Variants in TSPYL1 observed in about 807,000 individuals in gnomAD.
TSPYL1 encodes TSPY like 1.
In TSPYL1, 16 loss-of-function variants were observed where a neutral mutation model predicts 20.1. The observed-to-expected ratio is 0.80, with a 90% CI of 0.54 to 1.21. The LOEUF (loss-of-function observed/expected upper bound fraction) is 1.21, where lower values mean the gene tolerates loss of function less well. Among genes scored for constraint, TSPYL1 ranks in the 50% most tolerant of loss-of-function variants. The pLI is 0.00. For synonymous variants in TSPYL1, 259 were observed against 227.1 expected, an observed-to-expected ratio of 1.14 and a Z score of -1.26; for missense variants, 560 against 569.3, an observed-to-expected ratio of 0.98 and a Z score of 0.17.
Position 116,275,644 on chromosome 6 carries a change from C to CA in TSPYL1, c.*2872dup, listed in dbSNP as rs1482732856. Among the ~76,000 whole-genome samples the CA allele has an allele frequency of 6.6e-6, 1 of 151,958 alleles. No homozygotes were observed. Among genetic ancestry groups the CA allele is most frequent in the African/African-American group, 2.4e-5 (1 of 41,362 alleles). On this transcript the variant is annotated 3_prime_UTR_variant, in exon 1 of 1. Transcript: ENST00000368608. ...TGAAACCCCATCTCTACTAAAAATA[C>CA]AAAAAATTAGCCGGGCGTGGTAGCA...
In TSPYL1 at chr6:116,279,914, C is replaced by A. The variant is rs1582930936; in HGVS notation, c.-84G>T. 2 of 1,576,590 alleles carry A rather than the reference C, an allele frequency of 1.3e-6. No individual in the cohort carries two copies. Among genetic ancestry groups the A allele is most frequent in the East Asian group, 4.5e-5 (2 of 44,710 alleles). The stretch of plus-strand genomic sequence containing the variant: ...GGAGCTAACCGCCGCTCGCACCGCC[C>A]ACCCTACAGTCTCACTAACATTTCA... On this transcript the variant is annotated 5_prime_UTR_variant, in exon 1 of 1. Coordinates refer to ENST00000368608, the MANE Select transcript of TSPYL1 (RefSeq NM_003309.4).
chr6:116,279,569 C>T lies in TSPYL1; in HGVS notation c.262G>A (p.Gly88Ser), dbSNP rs1773368419. 6.9e-6 allele frequency: 11 copies of T among 1,602,968 alleles called. No homozygotes were observed. The highest frequency in any genetic ancestry group is 9.3e-6 in the Non-Finnish European group (11 of 1,179,938). Reference sequence around the variant, plus strand: ...GCTTTGATCGCCACATGACCGCGACCCCCAACAACTCGGATCTGGGGAGTA... The same window carrying T: ...GCTTTGATCGCCACATGACCGCGACTCCCAACAACTCGGATCTGGGGAGTA... ...GGTPQIRVVGGRGHVAIKAGQ... is the reference protein window; with the variant it reads ...GGTPQIRVVGSRGHVAIKAGQ... Residue 88 changes from glycine (G) to serine (S), a missense_variant, in exon 1 of 1, where the codon GGT becomes AGT. Physicochemically the swap from Gly to Ser is moderately conservative, Grantham distance 56. Transcript: ENST00000368608.
At position 116,279,174 on chromosome 6, in the gene TSPYL1, C is replaced by T. The variant is rs1398133410; in HGVS notation, c.657G>A (p.Gly219=). 1.2e-6 allele frequency: 2 copies of T among 1,613,022 alleles called. No homozygotes were observed. Among genetic ancestry groups the T allele is most frequent in the Non-Finnish European group, 1.7e-6 (2 of 1,179,884 alleles). ...GGAGAGCCTCATGCAAAGGCCAGGG[C>T]CCTTCTTCCTCCCTCGCCTCCTCCT... The part of the protein sequence containing the change: ...RLEEEAREEE[G]PWPLHEALRM... The change falls in exon 1 of 1, where the codon GGG becomes GGA. Residue 219 remains glycine, a synonymous_variant. Coordinates refer to ENST00000368608, the MANE Select transcript of TSPYL1 (RefSeq NM_003309.4).
chr6:116,278,829 C>T lies in TSPYL1; in HGVS notation c.1002G>A (p.Lys334=), dbSNP rs1204841609. ...FFRRNPYFRN[K]LIVKEYEVRS... ...TTACCTCATATTCCTTGACAATCAG[C>T]TTGTTTCTGAAGTAGGGGTTTCTTC... The change falls in exon 1 of 1, where the codon AAG becomes AAA. Residue 334 remains lysine (K), a synonymous_variant. Coordinates refer to ENST00000368608, the MANE Select transcript of TSPYL1 (RefSeq NM_003309.4). The T allele has an allele frequency of 6.2e-7, 1 of 1,614,176 alleles. No individual in the cohort carries two copies. The highest frequency in any genetic ancestry group is 1.7e-5 in the Admixed American group (1 of 60,028).
Position 116,279,552 on chromosome 6 carries a change from C to A in TSPYL1, c.279G>T (p.Ala93=). The change falls in exon 1 of 1, where the codon GCG becomes GCT. Residue 93 remains alanine (A), a synonymous_variant. Coordinates refer to ENST00000368608, the MANE Select transcript of TSPYL1 (RefSeq NM_003309.4). The stretch of plus-strand genomic sequence containing the variant: ...GGCCCTCTTCCTGCCCGGCTTTGAT[C>A]GCCACATGACCGCGACCCCCAACAA... ...IRVVGGRGHV[A]IKAGQEEGQP... 6.2e-6 allele frequency: 10 copies of A among 1,603,910 alleles called. No individual in the cohort carries two copies. The highest frequency in any genetic ancestry group is 8.5e-6 in the Non-Finnish European group (10 of 1,179,950).
rs964447085 is a variant in TSPYL1 at position 116,275,199 on chromosome 6, C to A, written c.*3318G>T. 2.0e-5 allele frequency among the ~76,000 whole-genome samples: 3 copies of A among 152,312 alleles called. No homozygotes were observed. The highest frequency in any genetic ancestry group is 7.2e-5 in the African/African-American group (3 of 41,562). ...GGCTAAAAGTTACTGTATTGGACAA[C>A]ACACATCTAGAGTCTAACCCCCTTC... On this transcript the variant is annotated 3_prime_UTR_variant, in exon 1 of 1. Transcript: ENST00000368608.
Position 116,279,882 on chromosome 6 carries a change from C to G in TSPYL1, c.-52G>C, listed in dbSNP as rs2114637754. On this transcript the variant is annotated 5_prime_UTR_variant, in exon 1 of 1. Coordinates refer to ENST00000368608, the MANE Select transcript of TSPYL1 (RefSeq NM_003309.4). ...GCGAACGCCCGTTTTCCTCAGAGGC[C>G]GAACTGGGAGCTAACCGCCGCTCGC... 10 of 1,612,476 alleles carry G rather than the reference C, an allele frequency of 6.2e-6. No individual in the cohort carries two copies. Among genetic ancestry groups the G allele is most frequent in the Non-Finnish European group, 8.5e-6 (10 of 1,179,636 alleles).
Position 116,279,868 on chromosome 6 carries a change from T to G in TSPYL1, c.-38A>C, listed in dbSNP as rs1773400865. ...CGGACCAACCGCAGGCGAACGCCCG[T>G]TTTCCTCAGAGGCCGAACTGGGAGC... On this transcript the variant is annotated 5_prime_UTR_variant, in exon 1 of 1. Transcript: ENST00000368608. 6.2e-7 allele frequency: 1 copy of G among 1,612,782 alleles called. No individual in the cohort carries two copies. Among genetic ancestry groups the G allele is most frequent in the African/African-American group, 1.3e-5 (1 of 74,888 alleles).
chr6:116,278,637 C>A lies in TSPYL1; in HGVS notation c.1194G>T (p.Glu398Asp). ...ESDKIAEIIK[E>D]DLWPNPLQYY... is the part of the protein sequence containing the mutation. ...ATTGCAGTGGATTTGGCCACAGATC[C>A]TCTTTAATAATCTCAGCAATTTTGT... The change falls in exon 1 of 1, where the codon GAG (glutamate) becomes GAT (aspartate). Residue 398 changes from glutamate to aspartate, a missense_variant. Transcript: ENST00000368608. 6.2e-7 allele frequency: 1 copy of A among 1,614,162 alleles called. No individual in the cohort carries two copies.
chr6:116,278,817 C>A lies in TSPYL1; in HGVS notation c.1014G>T (p.Lys338Asn). 1 of 1,614,138 alleles carries A rather than the reference C, an allele frequency of 6.2e-7. No homozygotes were observed. Among genetic ancestry groups the A allele is most frequent in the Non-Finnish European group, 8.5e-7 (1 of 1,180,038 alleles). Residue 338 changes from lysine (K) to asparagine (N), a missense_variant, in exon 1 of 1, where the codon AAG (lysine) becomes AAT (asparagine). By Grantham distance (94) the Lys-to-Asn change is moderately conservative (BLOSUM62 0). Transcript: ENST00000368608. ...GGCCGGAGGATCTTACCTCATATTC[C>A]TTGACAATCAGCTTGTTTCTGAAGT... Reference protein sequence around the residue: ...NPYFRNKLIVKEYEVRSSGRV... With the variant: ...NPYFRNKLIVNEYEVRSSGRV...
Position 116,279,652 on chromosome 6 carries a change from G to A in TSPYL1, c.179C>T (p.Pro60Leu), listed in dbSNP as rs760835192. 2.5e-6 allele frequency: 4 copies of A among 1,606,256 alleles called. No individual in the cohort carries two copies. Among genetic ancestry groups the A allele is most frequent in the East Asian group, 2.2e-5 (1 of 44,880 alleles). The change falls in exon 1 of 1, where the codon CCG becomes CTG. Residue 60 changes from proline to leucine, a missense_variant. By Grantham distance (98) the Pro-to-Leu change is moderately conservative (BLOSUM62 -3). Transcript: ENST00000368608. ...CCCCTCCTCTGAAGGCGGTGGAGGC[G>A]GGAGCGCGACGGTCTCCGAGCCTCC... ...GEGGSETVAL[P>L]PPPPSEEGGV...
rs1411111945 is a variant in TSPYL1 at position 116,279,096 on chromosome 6, C to T, written c.735G>A (p.Gln245=). 1 of 1,613,888 alleles carries T rather than the reference C, an allele frequency of 6.2e-7. No individual in the cohort carries two copies. Among genetic ancestry groups the T allele is most frequent in the South Asian group, 1.1e-5 (1 of 91,082 alleles). Residue 245 remains glutamine, a synonymous_variant, in exon 1 of 1, where the codon CAG becomes CAA. Coordinates refer to ENST00000368608, the MANE Select transcript of TSPYL1 (RefSeq NM_003309.4). ...CCAGCTGTTGGAAGGCCCTGTCGGC[C>T]TGAGCATTCACAGTGTCCAGTTCCA... ...IQLELDTVNA[Q]ADRAFQQLEH...
rs1773066561 is a variant in TSPYL1, at chr6:116,275,129, C to T, written c.*3388G>A. Among the ~76,000 whole-genome samples the T allele has an allele frequency of 6.6e-6, 1 of 152,156 alleles. No homozygotes were observed. The highest frequency in any genetic ancestry group is 6.5e-5 in the Admixed American group (1 of 15,276). On this transcript the variant is annotated 3_prime_UTR_variant, in exon 1 of 1. Coordinates refer to ENST00000368608, the MANE Select transcript of TSPYL1 (RefSeq NM_003309.4). ...CAGTGTGAATTTTATATTTATAGAT[C>T]TCAATTCAGACTAGCCACATTTCAA...
Position 116,278,382 on chromosome 6 carries a change from T to G in TSPYL1, c.*135A>C. 8.7e-6 allele frequency: 10 copies of G among 1,143,722 alleles called. No individual in the cohort carries two copies. The highest frequency in any genetic ancestry group is 6.1e-5 in the African/African-American group (4 of 65,198). The allele number at this position is 1,143,722 out of a possible 1,614,324, so 70.8% of individuals were successfully genotyped here. A position where few individuals can be genotyped will look rare whatever the true frequency, so the allele number is the denominator to read the frequency against. On this transcript the variant is annotated 3_prime_UTR_variant, in exon 1 of 1. Transcript: ENST00000368608. ...ATCTTGAGGTTGAGAGAACTGAATA[T>G]CCAAAGGAAACAGGGTGCAGAAAAG...
In TSPYL1 at chr6:116,276,354, T is replaced by C. The variant is rs951168931; in HGVS notation, c.*2163A>G. On this transcript the variant is annotated 3_prime_UTR_variant, in exon 1 of 1. Coordinates refer to ENST00000368608, the MANE Select transcript of TSPYL1 (RefSeq NM_003309.4). ...AGAATATAATTTATGGAGACAGAAA[T>C]GGAGGATTTGAGCAACTGAAGGGGA... 2.0e-5 allele frequency among the ~76,000 whole-genome samples: 3 copies of C among 152,074 alleles called. No homozygotes were observed. Among genetic ancestry groups the C allele is most frequent in the Non-Finnish European group, 4.4e-5 (3 of 68,018 alleles).
In TSPYL1 at chr6:116,279,370, TCCTCCGCCTCAG is replaced by T. The variant is rs1401289061; in HGVS notation, c.449_460del (p.Ala150_Glu153del). On this transcript the variant is annotated inframe_deletion, in exon 1 of 1. Coordinates refer to ENST00000368608, the MANE Select transcript of TSPYL1 (RefSeq NM_003309.4). ...GGTGGCGCACTTTCCTGTCTTCACCTCCTCCGCCTCAGCCTCCGCCCCCGCCGTCAGCTCAGA... is the reference window on the plus strand; with the variant it reads ...GGTGGCGCACTTTCCTGTCTTCACCTCCTCCGCCCCCGCCGTCAGCTCAGA... 11 of 1,612,114 alleles carry T rather than the reference TCCTCCGCCTCAG, an allele frequency of 6.8e-6. No individual in the cohort carries two copies. The highest frequency in any genetic ancestry group is 1.6e-4 in the Middle Eastern group (1 of 6,084).
At position 116,278,546 on chromosome 6, in the gene TSPYL1, G is replaced by A; in HGVS notation, c.1285C>T (p.Pro429Ser). 6.2e-7 allele frequency: 1 copy of A among 1,614,120 alleles called. No individual in the cohort carries two copies. Among genetic ancestry groups the A allele is most frequent in the Non-Finnish European group, 8.5e-7 (1 of 1,180,026 alleles). Residue 429 changes from proline (P) to serine (S), a missense_variant, in exon 1 of 1, where the codon CCC (proline) becomes TCC (serine). Pro to Ser is a moderately conservative substitution (Grantham distance 74, BLOSUM62 -1). Coordinates refer to ENST00000368608, the MANE Select transcript of TSPYL1 (RefSeq NM_003309.4). ...RRPLREPVEI[P>S]RPFGFQSG Reference sequence around the variant, plus strand: ...CCAGACTGGAACCCAAAGGGCCTGGGGATCTCTACAGGCTCCCTTAGCGGG... The same window carrying A: ...CCAGACTGGAACCCAAAGGGCCTGGAGATCTCTACAGGCTCCCTTAGCGGG...
chr6:116,279,883 G>A lies in TSPYL1; in HGVS notation c.-53C>T, dbSNP rs565846231. 1.9e-6 allele frequency: 3 copies of A among 1,612,042 alleles called. No individual in the cohort carries two copies. Among genetic ancestry groups the A allele is most frequent in the Admixed American group, 1.7e-5 (1 of 59,996 alleles). Reference sequence around the variant, plus strand: ...CGAACGCCCGTTTTCCTCAGAGGCCGAACTGGGAGCTAACCGCCGCTCGCA... The same window carrying A: ...CGAACGCCCGTTTTCCTCAGAGGCCAAACTGGGAGCTAACCGCCGCTCGCA... On this transcript the variant is annotated 5_prime_UTR_variant, in exon 1 of 1. Transcript: ENST00000368608.
In TSPYL1 at chr6:116,278,116, C is replaced by T. The variant is rs978844120; in HGVS notation, c.*401G>A. 3 of 260,204 alleles carry T rather than the reference C, an allele frequency of 1.2e-5. No homozygotes were observed. Among genetic ancestry groups the T allele is most frequent in the Non-Finnish European group, 2.3e-5 (3 of 130,676 alleles). The allele number at this position is 260,204 out of a possible 1,614,324, so 16.1% of individuals were successfully genotyped here. A position where few individuals can be genotyped will look rare whatever the true frequency, so the allele number is the denominator to read the frequency against. On this transcript the variant is annotated 3_prime_UTR_variant, in exon 1 of 1. Coordinates refer to ENST00000368608, the MANE Select transcript of TSPYL1 (RefSeq NM_003309.4). ...ACTGTCCACAGGGCATGTGCCCATA[C>T]TGCTCAATGCAGAGCTGAGTAGGTG...
Sources: gnomAD v4.1 joint callset for allele counts (sites outside exome capture counted in the v4.1 genomes callset) on GRCh38, gnomAD v4.1.1 for gene constraint, MANE v1.5 for transcripts, NCBI Gene and HGNC (gene_info 2026-07-23, HGNC 2026-07-21) for gene names.